ZNF292: variants seen among roughly 807,000 people sequenced by gnomAD.
ZNF292 encodes the protein zinc finger protein 292, also known as 16 zinc-finger domain protein.
In ZNF292, 26 loss-of-function variants were observed where a neutral mutation model predicts 217.9. The observed-to-expected ratio is 0.12, with a 90% CI of 0.09 to 0.17. The LOEUF is 0.17. Among genes scored for constraint, ZNF292 ranks in the 10% least tolerant of loss-of-function variants. The pLI, the probability that ZNF292 is intolerant of heterozygous loss-of-function variation, is 1.00. For synonymous variants in ZNF292, 1,257 were observed against 1,124.1 expected (o/e 1.12, Z -2.37); for missense variants, 2,904 against 3,175.2 (o/e 0.91, Z 2.05).
chr6:87,257,336 G>A lies in ZNF292; in HGVS notation c.3707G>A (p.Ser1236Asn), dbSNP rs772712675. The A allele has an allele frequency of 2.5e-6, 4 of 1,613,540 alleles. No individual in the cohort carries two copies. The highest frequency in any genetic ancestry group is 3.4e-6 in the Non-Finnish European group (4 of 1,179,782). The change falls in exon 8 of 8, where the codon AGT (serine) becomes AAT (asparagine). Residue 1236 changes from serine (S) to asparagine (N), a missense_variant. Ser to Asn is a conservative substitution (Grantham distance 46). Around this residue, in one of 15 missense-constraint regions of ZNF292, gnomAD observed 687 missense variants for 623.0 expected, o/e 1.10. Coordinates refer to ENST00000369577, the MANE Select transcript of ZNF292 (RefSeq NM_015021.3). ...MLCSQMENLP[S>N]TALPAQMEDL... ...TGTTCCCAAATGGAAAATTTACCTA[G>A]TACTGCCTTGCCAGCACAAATGGAA...
At position 87,219,236 on chromosome 6, in the gene ZNF292, T is replaced by TAA. The variant is rs1424880822; in HGVS notation, c.538+506_538+507insAA. On this transcript the variant is annotated intron_variant, in intron 4 of 7. Coordinates refer to ENST00000369577, the MANE Select transcript of ZNF292 (RefSeq NM_015021.3). ...TGAAAGTAGATGGCTAAATTACTTA[T>TAA]ATGTATAACACTTAATGTTTTTTAG... 3.9e-5 allele frequency among the ~76,000 whole-genome samples: 6 copies of TAA among 152,316 alleles called. No individual in the cohort carries two copies. The East Asian group carries it at 9.6e-4, about 24-fold the overall frequency.
chr6:87,175,395 G>A (rs1053381545), intron 1 of ZNF292, among the ~76,000 whole-genome samples: 8 of 152,116 alleles, frequency 5.3e-5, no homozygotes, highest in African/African-American at 1.9e-4. Context: ...GAGTGCAGTG[G>A]TACAGTCATG....
chr6:87,217,488 T>C (rs1582438155), intron 3 of ZNF292, among the ~76,000 whole-genome samples: 1 of 152,014 alleles, frequency 6.6e-6, no homozygotes, highest in East Asian at 1.9e-4. Context: ...TTCCAAAAAG[T>C]ATTTTTAGGT....
chr6:87,204,394 T>C (rs758380392), intron 1 of ZNF292, among the ~76,000 whole-genome samples: 7 of 152,132 alleles, frequency 4.6e-5, no homozygotes, highest in Non-Finnish European at 8.8e-5. Context: ...TACATACTCT[T>C]TGAAGGTAGT....
intron 4 of ZNF292, chr6:87,223,067 G>A (rs2127810656): frequency 5.3e-6 from 1 of 188,080 alleles, no homozygotes; most frequent in Middle Eastern, 2.5e-3. Flanking sequence ...GTTTTTTGAG[G>A]TTTTTTGTTT....
At chr6:87,211,390 T>A (rs1772479683) in intron 1 of ZNF292, among the ~76,000 whole-genome samples, 1 of 152,160 alleles carries the variant, frequency 6.6e-6, no homozygotes, top group African/African-American at 2.4e-5. Context: ...ATCTAAAATT[T>A]AATCCAAATT....
At chr6:87,157,671 T>G (rs1021942973) in intron 1 of ZNF292, among the ~76,000 whole-genome samples, 1 of 152,124 alleles carries the variant, frequency 6.6e-6, no homozygotes, top group African/African-American at 2.4e-5. Flanking sequence ...TGTAAAGTTA[T>G]CACTTAAAGA....
intron 1 of ZNF292, among the ~76,000 whole-genome samples, chr6:87,211,042 C>G (rs1772460892): frequency 6.6e-6 from 1 of 152,184 alleles, no homozygotes; most frequent in Non-Finnish European, 1.5e-5. Context: ...CCATGAGCCA[C>G]TAGTTTATGA....
chr6:87,200,377 C>T (rs556073458), intron 1 of ZNF292, among the ~76,000 whole-genome samples: 13 of 152,106 alleles, frequency 8.5e-5, no homozygotes, highest in South Asian at 6.2e-4. Context: ...GTGTTTTATA[C>T]GGAGAAACAG....
intron 7 of ZNF292, among the ~76,000 whole-genome samples, chr6:87,254,250 A>G (rs1438652729): frequency 6.6e-6 from 1 of 152,250 alleles, no homozygotes; most frequent in Non-Finnish European, 1.5e-5. Context: ...ACATTTATTG[A>G]TCATTTACTA....
At chr6:87,247,753 A>G (rs1400704623) in intron 7 of ZNF292, among the ~76,000 whole-genome samples, 5 of 152,244 alleles carry the variant, frequency 3.3e-5, no homozygotes, top group Admixed American at 3.3e-4. Flanking sequence ...CTTGCCTAAT[A>G]CTTTAAATAA....
intron 4 of ZNF292, among the ~76,000 whole-genome samples, chr6:87,232,594 G>A (rs1292676604): frequency 6.6e-6 from 1 of 152,028 alleles, no homozygotes; most frequent in African/African-American, 2.4e-5. Context: ...ATTCTTATTT[G>A]TAGATGACCA....
At chr6:87,217,449 A>G (rs1756669066) in intron 3 of ZNF292, among the ~76,000 whole-genome samples, 1 of 152,032 alleles carries the variant, frequency 6.6e-6, no homozygotes, top group Non-Finnish European at 1.5e-5. Flanking sequence ...TCTACTTCGG[A>G]TATCCGTAAC....
intron 1 of ZNF292, among the ~76,000 whole-genome samples, chr6:87,199,320 C>T (rs1428330727): frequency 1.3e-5 from 2 of 152,100 alleles, no homozygotes; most frequent in Non-Finnish European, 2.9e-5. Context: ...AAATCTTTTG[C>T]CCATTTTAAA....
intron 1 of ZNF292, among the ~76,000 whole-genome samples, chr6:87,203,669 G>T (rs1772161774): frequency 6.6e-6 from 1 of 151,970 alleles, no homozygotes; most frequent in South Asian, 2.1e-4. Flanking sequence ...ATCATGTTGG[G>T]GGAAGGCATC....
intron 4 of ZNF292, among the ~76,000 whole-genome samples, chr6:87,224,588 C>T (rs959753191): frequency 1.3e-5 from 2 of 152,168 alleles, no homozygotes; most frequent in African/African-American, 4.8e-5. Flanking sequence ...ATTCAAGCTT[C>T]TTTCACATAG....
At chr6:87,239,434 GCGGGGGCTGCCCCC>G in intron 5 of ZNF292, among the ~76,000 whole-genome samples, 1 of 146,614 alleles carries the variant, frequency 6.8e-6, no homozygotes, top group African/African-American at 2.7e-5. Context: ...GGCTGGCCGG[GCGGGGGCTGCCCCC>G]CACCTACCTC....
intron 1 of ZNF292, among the ~76,000 whole-genome samples, chr6:87,185,846 CAGGA>C (rs1771631403): frequency 6.6e-6 from 1 of 152,048 alleles, no homozygotes; most frequent in Non-Finnish European, 1.5e-5. Flanking sequence ...AAAGTATTGA[CAGGA>C]AGAGATGTAT....
In ZNF292 at chr6:87,208,174, T is replaced by C. The variant is rs375820044; in HGVS notation, c.169-7729T>C. ...AGTCTGCTGCCTCTTCCCCCACCAA[T>C]CTTATTTTGATCCTCTCTTTGTTTT... On this transcript the variant is annotated intron_variant, in intron 1 of 7. Transcript: ENST00000369577. 1.3e-4 allele frequency among the ~76,000 whole-genome samples: 20 copies of C among 152,286 alleles called. No individual in the cohort carries two copies. In the South Asian group the frequency reaches 4.1e-3, roughly 32 times the overall value.
Sources: gnomAD v4.1 joint callset for allele counts (sites outside exome capture counted in the v4.1 genomes callset) on GRCh38, gnomAD v4.1.1 for gene constraint, gnomAD v4.1.1 regional missense constraint, MANE v1.5 for transcripts, NCBI Gene and HGNC (gene_info 2026-07-23, HGNC 2026-07-21) for gene names.